Variants in DGKB observed in about 807,000 individuals in gnomAD.
The protein encoded by DGKB is 90 kDa diacylglycerol kinase.
A neutral mutation model predicts 114.3 loss-of-function variants in DGKB; 67 were observed. The ratio of observed to expected loss-of-function variants is 0.59; its 90% confidence interval spans 0.48 to 0.72. The LOEUF is 0.72. Ranked by LOEUF, DGKB falls within the 30% of genes least tolerant of loss-of-function variation. The pLI, the probability that DGKB is intolerant of heterozygous loss-of-function variation, is 0.00. For synonymous variants in DGKB, 398 were observed against 323.1 expected (o/e 1.23, Z -2.49); for missense variants, 907 against 975.2 (o/e 0.93, Z 0.93).
At chr7:14,893,594 TCGTTGC>T (rs1328609289) in intron 1 of DGKB, among the ~76,000 whole-genome samples, 1 of 151,352 alleles carries the variant, frequency 6.6e-6, no homozygotes, top group Non-Finnish European at 1.5e-5. Flanking sequence ...CTTTCCTAGT[TCGTTGC>T]CGTTATCTCT....
chr7:14,927,172 G>A (rs879651491), intron 1 of DGKB, among the ~76,000 whole-genome samples: 5 of 151,952 alleles, frequency 3.3e-5, no homozygotes, highest in Non-Finnish European at 7.4e-5. Context: ...CTATATAAAT[G>A]ATGATTTAGA....
intron 21 of DGKB, among the ~76,000 whole-genome samples, chr7:14,378,636 G>A (rs551617304): frequency 2.9e-4 from 44 of 152,178 alleles, no homozygotes; most frequent in Admixed American, 5.9e-4. Flanking sequence ...TAGCTACATT[G>A]ATAATTAATT....
At chr7:14,504,168 A>G (rs1481907041) in intron 20 of DGKB, among the ~76,000 whole-genome samples, 1 of 152,224 alleles carries the variant, frequency 6.6e-6, no homozygotes, top group Non-Finnish European at 1.5e-5. Flanking sequence ...TGGCATAGTA[A>G]TGATAAGCCC....
intron 23 of DGKB, among the ~76,000 whole-genome samples, chr7:14,273,783 T>TA (rs1798602461): frequency 6.6e-6 from 1 of 152,224 alleles, no homozygotes; most frequent in South Asian, 2.1e-4. Context: ...TAAGTAGCTT[T>TA]AAGTTCATTC....
chr7:14,535,807 G>T (rs945658487), intron 20 of DGKB, among the ~76,000 whole-genome samples: 10 of 151,898 alleles, frequency 6.6e-5, no homozygotes. Flanking sequence ...GGATGGTCTC[G>T]AACTCTTGCC....
At chr7:14,903,212 A>AGT (rs34367492), upstream of DGKB, 11,964 of 137,376 alleles carry the variant, frequency 0.087, 581 homozygotes, top group African/African-American at 0.15. Flanking sequence ...AAGTCTGTGC[A>AGT]GTGTGTGTGT....
At chr7:14,974,711 A>G (rs1192751016) in exon 1 of DGKB, 2 of 152,178 alleles carry the variant, frequency 1.3e-5, no homozygotes, top group Non-Finnish European at 2.9e-5. Flanking sequence ...GAGAAACATT[A>G]ACATGAATTG....
chr7:14,224,691 C>T (rs56836294), intron 23 of DGKB, among the ~76,000 whole-genome samples: 32,938 of 151,830 alleles, frequency 0.22, 3,691 homozygotes, highest in Middle Eastern at 0.31. Context: ...TTCTAGTCCA[C>T]CACCACCACC....
At chr7:14,525,209 A>ATAAG (rs1409756537) in intron 20 of DGKB, among the ~76,000 whole-genome samples, 3 of 152,134 alleles carry the variant, frequency 2.0e-5, no homozygotes, top group Non-Finnish European at 4.4e-5. Flanking sequence ...CATTTCTACG[A>ATAAG]TAAGTAAGTC....
chr7:14,264,847 C>T (rs1327009126), intron 23 of DGKB, among the ~76,000 whole-genome samples: 1 of 152,062 alleles, frequency 6.6e-6, no homozygotes, highest in Admixed American at 6.6e-5. Flanking sequence ...CCAATAAATG[C>T]ACAAAATCAT....
chr7:14,295,796 G>A (rs1802442390), intron 23 of DGKB, among the ~76,000 whole-genome samples: 2 of 151,988 alleles, frequency 1.3e-5, no homozygotes, highest in African/African-American at 4.8e-5. Context: ...ATGGTGGTTT[G>A]CTGCACCCAT....
chr7:14,704,560 T>A (rs369084812), intron 6 of DGKB, among the ~76,000 whole-genome samples: 8 of 151,462 alleles, frequency 5.3e-5, no homozygotes, highest in African/African-American at 1.9e-4. Context: ...ACGGGTGATT[T>A]CTGCATTTCC....
intron 1 of DGKB, among the ~76,000 whole-genome samples, chr7:14,945,019 G>A (rs764865169): frequency 6.6e-6 from 1 of 151,644 alleles, no homozygotes; most frequent in Non-Finnish European, 1.5e-5. Context: ...TGAATTACAT[G>A]TGTTCTCTAA....
At chr7:14,302,973 T>C (rs1384518489) in intron 23 of DGKB, among the ~76,000 whole-genome samples, 4 of 152,150 alleles carry the variant, frequency 2.6e-5, no homozygotes, top group Non-Finnish European at 4.4e-5. Context: ...ATTAGTCTAT[T>C]ATACCATGGG....
intron 21 of DGKB, among the ~76,000 whole-genome samples, chr7:14,467,901 T>C (rs1011348007): frequency 6.6e-6 from 1 of 152,204 alleles, no homozygotes; most frequent in Non-Finnish European, 1.5e-5. Context: ...TTAACCTCTT[T>C]GGAAAAAGTT....
At chr7:14,871,507 C>T (rs908156488) in intron 1 of DGKB, among the ~76,000 whole-genome samples, 2 of 152,094 alleles carry the variant, frequency 1.3e-5, no homozygotes, top group African/African-American at 2.4e-5. Flanking sequence ...GAGTCAATCT[C>T]GTACAGTTTA....
intron 1 of DGKB, among the ~76,000 whole-genome samples, chr7:14,922,375 C>CGTGTGTGTGTGTGTATGTGT (rs1027562736): frequency 1.8e-4 from 21 of 118,282 alleles, no homozygotes; most frequent in African/African-American, 8.0e-4. Flanking sequence ...GTGTATCCAT[C>CGTGTGTGTGTGTGTATGTGT]GTGTGTGTGT....
intron 1 of DGKB, among the ~76,000 whole-genome samples, chr7:14,934,180 C>T (rs1281506446): frequency 6.6e-6 from 1 of 152,076 alleles, no homozygotes; most frequent in Non-Finnish European, 1.5e-5. Flanking sequence ...ATAATTTCAC[C>T]TTCCATTTAT....
intron 21 of DGKB, among the ~76,000 whole-genome samples, chr7:14,399,123 C>T (rs985982491): frequency 6.6e-6 from 1 of 151,486 alleles, no homozygotes; most frequent in African/African-American, 2.4e-5. Flanking sequence ...CTCCAACGCT[C>T]ATTTTCTGAT....
Sources: allele counts gnomAD v4.1 joint callset (sites outside exome capture counted in the v4.1 genomes callset), GRCh38; gene constraint gnomAD v4.1.1; transcripts MANE v1.5; gene names NCBI Gene and HGNC (gene_info 2026-07-23, HGNC 2026-07-21).